MCTP1: variants seen among roughly 807,000 people sequenced by gnomAD.
MCTP1 encodes the protein multiple C2 and transmembrane domain-containing protein 1.
Under a neutral mutation model 120.6 loss-of-function variants are expected in MCTP1, and 69 were observed. The ratio of observed to expected loss-of-function variants is 0.57; its 90% CI spans 0.47 to 0.70. The LOEUF (loss-of-function observed/expected upper bound fraction) is 0.70. Ranked by LOEUF, MCTP1 falls within the 30% of genes least tolerant of loss-of-function variation. MCTP1 has a pLI of 0.00. For missense variants in MCTP1, 1,203 were observed against 1,248.8 expected, an observed-to-expected ratio of 0.96 and a Z score of 0.55; for synonymous variants, 529 against 493.1, an observed-to-expected ratio of 1.07 and a Z score of -0.96.
chr5:95,254,714 G>A (rs1757706008), intron 1 of MCTP1, among the ~76,000 whole-genome samples: 1 of 152,138 alleles, frequency 6.6e-6, no homozygotes, highest in African/African-American at 2.4e-5. Context: ...TAATTGCCAA[G>A]TTAATCCTCT....
At chr5:94,735,689 T>C (rs1764065596) in intron 19 of MCTP1, among the ~76,000 whole-genome samples, 1 of 152,180 alleles carries the variant, frequency 6.6e-6, no homozygotes, top group African/African-American at 2.4e-5. Context: ...TTGAGTATTT[T>C]CCAGTAATAG....
At chr5:94,710,678 A>C (rs1756584195) in intron 21 of MCTP1, 140 bp downstream of exon 21, 1 of 593,378 alleles carries the variant, frequency 1.7e-6, no homozygotes. Flanking sequence ...TGTGATTTTT[A>C]ACCAACCTGT....
chr5:95,193,237 C>A (rs1402009380), intron 1 of MCTP1, among the ~76,000 whole-genome samples: 1 of 152,170 alleles, frequency 6.6e-6, no homozygotes, highest in Non-Finnish European at 1.5e-5. Context: ...TTTACATCTA[C>A]TTCAAGGCTT....
intron 6 of MCTP1, among the ~76,000 whole-genome samples, chr5:94,928,923 A>G (rs1813835462): frequency 6.6e-6 from 1 of 152,208 alleles, no homozygotes; most frequent in African/African-American, 2.4e-5. Context: ...TGATTTCAAT[A>G]GTTAAATACA....
rs377321003 is a variant in MCTP1 at position 95,164,689 on chromosome 5, T to C, written c.720+119167A>G. On this transcript the variant is annotated intron_variant, in intron 1 of 22. Coordinates refer to ENST00000515393, the MANE Select transcript of MCTP1 (RefSeq NM_024717.7). ...ACATACACTATATGTTAAAAATTAT[T>C]TGCTATTCATCTGAAATTCAAATTT... Among the ~76,000 whole-genome samples, 93 of 152,350 alleles carry C rather than the reference T, an allele frequency of 6.1e-4. 2 individuals are homozygous for C. The South Asian group carries it at 0.017, about 29-fold the overall frequency.
At chr5:94,971,808 C>T (rs1481940389) in intron 2 of MCTP1, among the ~76,000 whole-genome samples, 1 of 152,126 alleles carries the variant, frequency 6.6e-6, no homozygotes, top group East Asian at 1.9e-4. Flanking sequence ...AAATAAACTT[C>T]TATTACATTT....
At position 94,763,370 on chromosome 5, in the gene MCTP1, C is replaced by T. The variant is rs376387476; in HGVS notation, c.2610+15740G>A. Among the ~76,000 whole-genome samples, 40 of 152,226 alleles carry T rather than the reference C, an allele frequency of 2.6e-4. 1 individual carries two copies. Among genetic ancestry groups the T allele is most frequent in the African/African-American group, 9.2e-4 (38 of 41,524 alleles). On this transcript the variant is annotated intron_variant, in intron 19 of 22. Transcript: ENST00000515393. ...AAATGTAGATTTCTAGTGTCATTTC[C>T]CTCGACTCTCCCTCCTGCACATTAT...
chr5:95,099,608 A>G (rs867568286), intron 1 of MCTP1, among the ~76,000 whole-genome samples: 3,213 of 148,498 alleles, frequency 0.022, 111 homozygotes, highest in African/African-American at 0.076. Context: ...GCAATCATTA[A>G]AAAGTCAGGA....
chr5:95,239,078 G>T (rs948979630), intron 1 of MCTP1, among the ~76,000 whole-genome samples: 3 of 152,058 alleles, frequency 2.0e-5, no homozygotes, highest in Non-Finnish European at 4.4e-5. Context: ...AAAAAACTTG[G>T]TCTCACATCT....
chr5:95,080,995 T>A (rs774683084), intron 1 of MCTP1, among the ~76,000 whole-genome samples: 2 of 152,186 alleles, frequency 1.3e-5, no homozygotes, highest in Non-Finnish European at 2.9e-5. Context: ...TTTATTTCAA[T>A]TGAAAAATAT....
chr5:95,067,807 T>A (rs1036961841), intron 1 of MCTP1, among the ~76,000 whole-genome samples: 18 of 152,142 alleles, frequency 1.2e-4, no homozygotes, highest in Non-Finnish European at 2.6e-4. Context: ...GTGAGAATAT[T>A]AAAAATTTAT....
chr5:94,920,774 TA>T, intron 7 of MCTP1, among the ~76,000 whole-genome samples: 4 of 150,584 alleles, frequency 2.7e-5, no homozygotes, highest in African/African-American at 9.8e-5. Context: ...AATAAATAAA[TA>T]AATAAATAAA....
At chr5:95,023,321 ATTATTTAAAAGGAT>A (rs1376101360) in intron 1 of MCTP1, among the ~76,000 whole-genome samples, 2 of 152,214 alleles carry the variant, frequency 1.3e-5, no homozygotes, top group Non-Finnish European at 2.9e-5. Flanking sequence ...GGTTCTAGAA[ATTATTTAAAAGGAT>A]TTACAACTGT....
At chr5:94,801,639 T>C (rs1208873880) in intron 17 of MCTP1, among the ~76,000 whole-genome samples, 1 of 152,204 alleles carries the variant, frequency 6.6e-6, no homozygotes, top group Non-Finnish European at 1.5e-5. Flanking sequence ...TGACCAATTG[T>C]AATCTTTTTA....
At chr5:94,926,156 CA>C (rs776116249) in intron 6 of MCTP1, among the ~76,000 whole-genome samples, 3 of 152,154 alleles carry the variant, frequency 2.0e-5, no homozygotes, top group South Asian at 4.1e-4. Context: ...AATTAGACAA[CA>C]AGCTTTTATT....
chr5:95,023,476 C>T (rs182226389), intron 1 of MCTP1, among the ~76,000 whole-genome samples: 1 of 152,312 alleles, frequency 6.6e-6, no homozygotes, highest in East Asian at 1.9e-4. Context: ...GTGAGTCACA[C>T]AGAAGTTTGA....
At chr5:94,837,236 C>T (rs1400960794) in intron 17 of MCTP1, among the ~76,000 whole-genome samples, 1 of 152,050 alleles carries the variant, frequency 6.6e-6, no homozygotes. Flanking sequence ...AAACATTAGC[C>T]AGGGCATGGT....
intron 17 of MCTP1, among the ~76,000 whole-genome samples, chr5:94,864,402 T>C (rs1796408818): frequency 1.3e-5 from 2 of 151,908 alleles, no homozygotes. Context: ...ACATTTTTGA[T>C]AATGCACATC....
At chr5:95,192,258 GTATT>G in intron 1 of MCTP1, among the ~76,000 whole-genome samples, 1 of 152,080 alleles carries the variant, frequency 6.6e-6, no homozygotes, top group South Asian at 2.1e-4. Context: ...ATGTATAACT[GTATT>G]TATGAATACG....
Sources: gnomAD v4.1 joint callset for allele counts (sites outside exome capture counted in the v4.1 genomes callset) on GRCh38, gnomAD v4.1.1 for gene constraint, MANE v1.5 for transcripts, NCBI Gene and HGNC (gene_info 2026-07-23, HGNC 2026-07-21) for gene names.